RAB31: variants seen among roughly 807,000 people sequenced by gnomAD.
The protein encoded by RAB31 is RAB31, member RAS oncogene family.
RAB31 carries 21 observed loss-of-function variants against 25.6 expected under a neutral mutation model. The observed-to-expected ratio is 0.82, with a 90% CI of 0.58 to 1.18. The LOEUF is 1.18. RAB31 is among the 50% of genes most tolerant of loss of function. The pLI is 0.00. For synonymous variants in RAB31, 87 were observed against 84.0 expected, an observed-to-expected ratio of 1.04 and a Z score of -0.20; for missense variants, 196 against 250.1, an observed-to-expected ratio of 0.78 and a Z score of 1.46.
chr18:9,849,395 T>C (rs541740491), intron 6 of RAB31, among the ~76,000 whole-genome samples: 18 of 152,202 alleles, frequency 1.2e-4, no homozygotes, highest in Non-Finnish European at 1.3e-4. Flanking sequence ...TCTCATGATA[T>C]AAAGTGAAAT....
chr18:9,718,893 G>A (rs12958489), intron 1 of RAB31, among the ~76,000 whole-genome samples: 96,341 of 151,730 alleles, frequency 0.63, 30,963 homozygotes, highest in East Asian at 0.77. Flanking sequence ...TCCTAGTATT[G>A]TCACTTTGGA....
intron 1 of RAB31, among the ~76,000 whole-genome samples, chr18:9,764,991 A>G (rs2068308220): frequency 6.6e-6 from 1 of 151,318 alleles, no homozygotes; most frequent in Non-Finnish European, 1.5e-5. Flanking sequence ...GTCTCGCTCC[A>G]TTACCCAGGC....
intron 1 of RAB31, among the ~76,000 whole-genome samples, chr18:9,767,826 C>T (rs988621996): frequency 6.6e-6 from 1 of 152,016 alleles, no homozygotes; most frequent in African/African-American, 2.4e-5. Context: ...CCCATCAATC[C>T]GTCATCTACA....
chr18:9,737,576 G>A (rs2068157001), intron 1 of RAB31, among the ~76,000 whole-genome samples: 1 of 152,176 alleles, frequency 6.6e-6, no homozygotes, highest in Admixed American at 6.5e-5. Context: ...ACGAGCAGAT[G>A]ACTGTCCTCC....
chr18:9,820,752 C>T (rs947548053), intron 5 of RAB31, among the ~76,000 whole-genome samples: 1 of 152,026 alleles, frequency 6.6e-6, no homozygotes, highest in Non-Finnish European at 1.5e-5. Context: ...GTCTCATTTT[C>T]CATTCCTAAT....
chr18:9,719,376 A>T (rs7505634), intron 1 of RAB31, among the ~76,000 whole-genome samples: 28,268 of 127,750 alleles, frequency 0.22, 4,109 homozygotes, highest in South Asian at 0.32. Flanking sequence ...ATGATCTAGT[A>T]GTGAAATGAT....
chr18:9,821,963 C>T (rs1196433185), intron 5 of RAB31, among the ~76,000 whole-genome samples: 2 of 152,020 alleles, frequency 1.3e-5, no homozygotes, highest in East Asian at 3.8e-4. Flanking sequence ...TAAGCCTATT[C>T]TAAAATTTAT....
chr18:9,718,403 G>C (rs543823149), intron 1 of RAB31, among the ~76,000 whole-genome samples: 9 of 152,012 alleles, frequency 5.9e-5, no homozygotes, highest in Non-Finnish European at 1.0e-4. Context: ...GGGATTACAG[G>C]CATGCGCCAC....
rs763677584 is a variant in RAB31 at position 9,716,934 on chromosome 18, T to TTTCTTTCTTTCTTTCTTTC, written c.39+8492_39+8493insCTTTCTTTCTTTCTTTCTT. On this transcript the variant is annotated intron_variant, in intron 1 of 6. Coordinates refer to ENST00000578921, the MANE Select transcript of RAB31 (RefSeq NM_006868.4). ...ATTTTCTTTCTTTCTTTCTTTCTTTTTTTTTTGGTAGAGATGGGGTCTTGC... is the reference window on the plus strand; with the variant it reads ...ATTTTCTTTCTTTCTTTCTTTCTTTTTTCTTTCTTTCTTTCTTTCTTTTTTGGTAGAGATGGGGTCTTGC... Among the ~76,000 whole-genome samples, 98 of 125,546 alleles carry TTTCTTTCTTTCTTTCTTTC rather than the reference T, an allele frequency of 7.8e-4. 1 individual carries two copies. In the East Asian group the frequency reaches 8.3e-3, roughly 11 times the overall value. The allele number at this position is 125,546 out of a possible 152,430, so 82.4% of individuals were successfully genotyped here. A position where few individuals can be genotyped will look rare whatever the true frequency, so the allele number is the denominator to read the frequency against.
At chr18:9,822,065 A>G (rs2068626957) in intron 5 of RAB31, among the ~76,000 whole-genome samples, 1 of 152,226 alleles carries the variant, frequency 6.6e-6, no homozygotes, top group Non-Finnish European at 1.5e-5. Flanking sequence ...AAGGCTTACC[A>G]TATAGCTACA....
intron 1 of RAB31, among the ~76,000 whole-genome samples, chr18:9,775,043 A>C (rs2068364740): frequency 1.3e-5 from 2 of 152,222 alleles, no homozygotes; most frequent in Admixed American, 6.5e-5. Context: ...TACATGTCAG[A>C]CATGTTTCTG....
intron 5 of RAB31, among the ~76,000 whole-genome samples, chr18:9,836,406 A>G (rs1378319243): frequency 2.0e-5 from 3 of 152,130 alleles, no homozygotes; most frequent in African/African-American, 7.2e-5. Context: ...TTTTTATTTA[A>G]CTGTAAAATG....
chr18:9,714,805 C>A (rs1021778990), intron 1 of RAB31, among the ~76,000 whole-genome samples: 2 of 152,190 alleles, frequency 1.3e-5, no homozygotes, highest in African/African-American at 4.8e-5. Flanking sequence ...AAGACACGAA[C>A]ACACCAGCAG....
At chr18:9,841,547 A>C (rs2068734405) in intron 5 of RAB31, among the ~76,000 whole-genome samples, 1 of 151,642 alleles carries the variant, frequency 6.6e-6, no homozygotes, top group South Asian at 2.1e-4. Flanking sequence ...TCAAAAAAAA[A>C]AAAAAAAAAA....
chr18:9,833,389 A>G (rs1431176405), intron 5 of RAB31, among the ~76,000 whole-genome samples: 1 of 152,198 alleles, frequency 6.6e-6, no homozygotes, highest in African/African-American at 2.4e-5. Context: ...GAAGGGAGGC[A>G]GGTCACAATG....
In RAB31 at chr18:9,861,914, G is replaced by A. The variant is rs2068850334; in HGVS notation, c.*2589G>A. On this transcript the variant is annotated 3_prime_UTR_variant, in exon 7 of 7. Coordinates refer to ENST00000578921, the MANE Select transcript of RAB31 (RefSeq NM_006868.4). ...AATGGAAATCTCTGAGAATGACAGTGGAGTTGTGCAAGCATTTTACATTGC... is the reference window on the plus strand; with the variant it reads ...AATGGAAATCTCTGAGAATGACAGTAGAGTTGTGCAAGCATTTTACATTGC... 6.6e-6 allele frequency: 1 copy of A among 152,618 alleles called. No homozygotes were observed. Among genetic ancestry groups the A allele is most frequent in the Non-Finnish European group, 1.5e-5 (1 of 68,034 alleles). 9.5% of individuals were successfully genotyped at this position (152,618 alleles called of 1,614,324 possible).
intron 1 of RAB31, among the ~76,000 whole-genome samples, chr18:9,712,101 C>T (rs1893126): frequency 0.38 from 57,773 of 152,058 alleles, 11,960 homozygotes; most frequent in African/African-American, 0.55. Flanking sequence ...TTACCTGAAC[C>T]TCTCCTGTCT....
At chr18:9,818,525 A>G (rs994334907) in intron 5 of RAB31, among the ~76,000 whole-genome samples, 2 of 152,166 alleles carry the variant, frequency 1.3e-5, no homozygotes, top group Non-Finnish European at 2.9e-5. Context: ...TGATGCATTC[A>G]TTTTTATGGC....
chr18:9,733,062 A>G (rs781378850), intron 1 of RAB31, among the ~76,000 whole-genome samples: 3 of 152,220 alleles, frequency 2.0e-5, no homozygotes, highest in Non-Finnish European at 4.4e-5. Flanking sequence ...AAACAAGCAA[A>G]TAGAATGGCG....
Sources: gnomAD v4.1 joint callset for allele counts (sites outside exome capture counted in the v4.1 genomes callset) on GRCh38, gnomAD v4.1.1 for gene constraint, MANE v1.5 for transcripts, NCBI Gene and HGNC (gene_info 2026-07-23, HGNC 2026-07-21) for gene names.